DGKI: variants seen among roughly 807,000 people sequenced by gnomAD.
The protein encoded by DGKI is diacylglycerol kinase iota.
DGKI carries 55 observed loss-of-function variants against 147.5 expected under a neutral mutation model. That is an observed-to-expected ratio of 0.37 (90% CI 0.30 to 0.47). The LOEUF (loss-of-function observed/expected upper bound fraction) is 0.47, where lower values mean the gene tolerates loss of function less well. Among genes scored for constraint, DGKI ranks in the 20% least tolerant of loss-of-function variants. The pLI is 1.00. For missense variants in DGKI, 1,007 were observed against 1,323.8 expected (o/e 0.76, Z 3.71); for synonymous variants, 469 against 477.1 (o/e 0.98, Z 0.22).
At chr7:137,670,421 C>G (rs1822802453) in intron 3 of DGKI, among the ~76,000 whole-genome samples, 1 of 152,168 alleles carries the variant, frequency 6.6e-6, no homozygotes, top group African/African-American at 2.4e-5. Context: ...CTAACATGTC[C>G]TGAGGGTCTA....
At chr7:137,417,474 A>C (rs1434782165) in intron 28 of DGKI, among the ~76,000 whole-genome samples, 1 of 152,196 alleles carries the variant, frequency 6.6e-6, no homozygotes, top group African/African-American at 2.4e-5. Context: ...AGAAGTCAAG[A>C]CTTCCAGGAG....
intron 1 of DGKI, among the ~76,000 whole-genome samples, chr7:137,759,072 C>A (rs1220493889): frequency 6.6e-6 from 1 of 152,086 alleles, no homozygotes; most frequent in Non-Finnish European, 1.5e-5. Context: ...AAACAGTGAA[C>A]ATTGTACCCA....
chr7:137,815,941 C>T (rs1163488958), intron 1 of DGKI, among the ~76,000 whole-genome samples: 2 of 152,034 alleles, frequency 1.3e-5, no homozygotes, highest in Non-Finnish European at 2.9e-5. Context: ...TGGGTCTGTT[C>T]CCATCATCAA....
At chr7:137,540,553 C>T (rs909172511) in intron 20 of DGKI, among the ~76,000 whole-genome samples, 8 of 151,754 alleles carry the variant, frequency 5.3e-5, no homozygotes, top group African/African-American at 1.7e-4. Context: ...GGCATGGTAC[C>T]ATGTGCCTGT....
chr7:137,572,223 T>C (rs932945018), intron 18 of DGKI, among the ~76,000 whole-genome samples: 4 of 152,356 alleles, frequency 2.6e-5, no homozygotes, highest in Admixed American at 1.3e-4. Flanking sequence ...TGAGATAATA[T>C]GTTTATTTTG....
chr7:137,798,135 G>A (rs1023421309), intron 1 of DGKI, among the ~76,000 whole-genome samples: 3 of 151,990 alleles, frequency 2.0e-5, no homozygotes, highest in Admixed American at 6.6e-5. Flanking sequence ...TACTGAGACT[G>A]ACTAAAGAAA....
At chr7:137,665,079 G>A (rs560498890) in intron 3 of DGKI, among the ~76,000 whole-genome samples, 2 of 152,342 alleles carry the variant, frequency 1.3e-5, no homozygotes, top group East Asian at 1.9e-4. Context: ...GGGGGCCAGT[G>A]TTGGGGAGTA....
In DGKI at chr7:137,846,175, A is replaced by T. The variant is rs1208822871; in HGVS notation, c.401+287T>A. ...CTCTCTCTCTCTCACACACACACACACACACACACACACACACACACACAC... is the reference window on the plus strand; with the variant it reads ...CTCTCTCTCTCTCACACACACACACTCACACACACACACACACACACACAC... On this transcript the variant is annotated intron_variant, in intron 1 of 32. Transcript: ENST00000614521. The surrounding 1 kb of genome is among the most constrained non-coding windows in gnomAD (Gnocchi z 4.0). 7.1e-3 allele frequency among the ~76,000 whole-genome samples: 985 copies of T among 138,750 alleles called. 6 individuals are homozygous for T. Among genetic ancestry groups the T allele is most frequent in the African/African-American group, 0.027 (920 of 33,576 alleles). 91.0% of individuals were successfully genotyped at this position (138,750 alleles called of 152,430 possible). A position where few individuals can be genotyped will look rare whatever the true frequency, so the allele number is the denominator to read the frequency against.
chr7:137,416,253 A>G (rs1225979491), intron 28 of DGKI, among the ~76,000 whole-genome samples: 1 of 152,204 alleles, frequency 6.6e-6, no homozygotes, highest in African/African-American at 2.4e-5. Flanking sequence ...CACTAAATAT[A>G]TAAGTTAATA....
At chr7:137,460,176 C>A (rs1411642220) in intron 27 of DGKI, among the ~76,000 whole-genome samples, 1 of 152,132 alleles carries the variant, frequency 6.6e-6, no homozygotes, top group East Asian at 1.9e-4. Context: ...TAGATTATTA[C>A]AATAAGTGTT....
intron 1 of DGKI, among the ~76,000 whole-genome samples, chr7:137,836,571 C>T (rs962089632): frequency 2.6e-5 from 4 of 152,180 alleles, no homozygotes; most frequent in African/African-American, 9.7e-5. Flanking sequence ...CCATCACCTC[C>T]CTTCAAGTTC....
chr7:137,784,143 T>C (rs1046731694), intron 1 of DGKI, among the ~76,000 whole-genome samples: 5 of 152,206 alleles, frequency 3.3e-5, no homozygotes, highest in Admixed American at 6.5e-5. Context: ...TGAATGTAAA[T>C]GGCCTAAATG....
chr7:137,522,065 G>C (rs370606670), intron 20 of DGKI, 99 bp from the exon 21 acceptor site: 1 of 809,278 alleles, frequency 1.2e-6, no homozygotes, highest in African/African-American at 1.8e-5. Flanking sequence ...TTCATGTTTA[G>C]AAGGAAGAGT....
chr7:137,753,803 A>G (rs1795590453), intron 1 of DGKI, among the ~76,000 whole-genome samples: 1 of 152,164 alleles, frequency 6.6e-6, no homozygotes, highest in Non-Finnish European at 1.5e-5. Context: ...AGCTAAAACA[A>G]TAACATCAGC....
At chr7:137,395,392 T>G (rs561603788) in intron 32 of DGKI, among the ~76,000 whole-genome samples, 5 of 152,210 alleles carry the variant, frequency 3.3e-5, no homozygotes, top group Non-Finnish European at 7.3e-5. Flanking sequence ...TAAAGCCCCA[T>G]AGGCAAGCAC....
chr7:137,734,098 C>A (rs946249750), intron 1 of DGKI, among the ~76,000 whole-genome samples: 3 of 152,108 alleles, frequency 2.0e-5, no homozygotes, highest in Non-Finnish European at 2.9e-5. Flanking sequence ...CTGCAGATCC[C>A]TGTCTCCTGG....
chr7:137,433,849 G>A (rs1813176682), intron 28 of DGKI, among the ~76,000 whole-genome samples: 1 of 152,184 alleles, frequency 6.6e-6, no homozygotes, highest in Admixed American at 6.5e-5. Flanking sequence ...CGGGCGTGGT[G>A]GCTCACGCCT....
intron 21 of DGKI, among the ~76,000 whole-genome samples, chr7:137,507,835 T>G (rs1816420395): frequency 6.6e-6 from 1 of 152,026 alleles, no homozygotes; most frequent in African/African-American, 2.4e-5. Flanking sequence ...CTCCACGTGT[T>G]TAGAATCCAG....
intron 21 of DGKI, among the ~76,000 whole-genome samples, chr7:137,503,593 A>G (rs557964884): frequency 1.1e-4 from 17 of 152,180 alleles, no homozygotes; most frequent in Non-Finnish European, 2.1e-4. Context: ...TAGTTTTGCT[A>G]TAGTACATAT....
Sources: gnomAD v4.1 joint callset for allele counts (sites outside exome capture counted in the v4.1 genomes callset) on GRCh38, gnomAD v4.1.1 for gene constraint, Gnocchi (gnomAD v3.1) non-coding constraint, MANE v1.5 for transcripts, NCBI Gene and HGNC (gene_info 2026-07-23, HGNC 2026-07-21) for gene names.